RECK: variants seen among roughly 807,000 people sequenced by gnomAD.
RECK encodes reversion inducing cysteine rich protein with kazal motifs, also known as reversion-inducing cysteine-rich protein with Kazal motifs.
A neutral mutation model predicts 115.1 loss-of-function variants in RECK; 69 were observed. That is an observed-to-expected ratio of 0.60 (90% confidence interval 0.49 to 0.73). The LOEUF is 0.73. RECK is among the 30% of genes least tolerant of loss of function. RECK has a pLI of 0.00. For synonymous variants in RECK, 414 were observed against 419.7 expected (o/e 0.99, Z 0.17); for missense variants, 1,047 against 1,203.7 (o/e 0.87, Z 1.93).
chr9:36,088,357 A>C (rs78481188), intron 9 of RECK, among the ~76,000 whole-genome samples: 3,809 of 152,296 alleles, frequency 0.025, 171 homozygotes, highest in African/African-American at 0.087. Context: ...ATTGGTGGAT[A>C]ACCTGGGTTA....
Position 36,080,610 on chromosome 9 carries a change from T to C in RECK, c.411T>C (p.Ala137=), listed in dbSNP as rs748798525. ...TGTTTTTCTTCAATTTACAGAATGCTCTTTTCAGTTGCATTAGCAGAAATG... is the reference window on the plus strand; with the variant it reads ...TGTTTTTCTTCAATTTACAGAATGCCCTTTTCAGTTGCATTAGCAGAAATG... The part of the protein sequence containing the change: ...SKVCRKEYEN[A]LFSCISRNEM... Residue 137 remains alanine, a synonymous_variant, in exon 7 of 21, where the codon GCT becomes GCC. Transcript: ENST00000377966. 4 of 1,608,346 alleles carry C rather than the reference T, an allele frequency of 2.5e-6. No individual in the cohort carries two copies. The highest frequency in any genetic ancestry group is 2.2e-5 in the East Asian group (1 of 44,796).
At chr9:36,104,286 G>GTA (rs1384888477) in intron 12 of RECK, among the ~76,000 whole-genome samples, 12 of 20,962 alleles carry the variant, frequency 5.7e-4, no homozygotes, top group Non-Finnish European at 9.4e-4. Flanking sequence ...ATGTGTGTGT[G>GTA]TGTGTGTATA....
At chr9:36,090,643 G>C (rs1473754792) in intron 9 of RECK, among the ~76,000 whole-genome samples, 1 of 152,132 alleles carries the variant, frequency 6.6e-6, no homozygotes, top group Non-Finnish European at 1.5e-5. Context: ...ATAGTACATA[G>C]AGGCTTTGGA....
At chr9:36,095,699 G>A (rs1823306120) in intron 10 of RECK, among the ~76,000 whole-genome samples, 1 of 151,922 alleles carries the variant, frequency 6.6e-6, no homozygotes, top group African/African-American at 2.4e-5. Context: ...CAGTTTGGGA[G>A]GCTGAGGCAG....
chr9:36,115,795 C>A (rs141484244), intron 16 of RECK, among the ~76,000 whole-genome samples: 1 of 152,248 alleles, frequency 6.6e-6, no homozygotes, highest in African/African-American at 2.4e-5. Flanking sequence ...TATGCTTCCT[C>A]TTTTATTTTA....
intron 13 of RECK, among the ~76,000 whole-genome samples, chr9:36,106,111 G>A (rs1587078179): frequency 6.6e-6 from 1 of 150,620 alleles, no homozygotes; most frequent in South Asian, 2.1e-4. Context: ...TCGGGAGGCT[G>A]AGGCAGGAGA....
intron 2 of RECK, among the ~76,000 whole-genome samples, chr9:36,054,832 G>A (rs1187780458): frequency 6.6e-6 from 1 of 152,102 alleles, no homozygotes; most frequent in East Asian, 1.9e-4. Flanking sequence ...TGCCTATGTT[G>A]TATTCATGTC....
intron 20 of RECK, 142 bp downstream of exon 20, chr9:36,121,830 G>A (rs1480827403): frequency 6.9e-6 from 6 of 870,754 alleles, no homozygotes; most frequent in Non-Finnish European, 1.1e-5. Flanking sequence ...GGACAGGAGG[G>A]AGAAAAGCAA....
At chr9:36,078,084 G>A (rs1288218831) in intron 6 of RECK, among the ~76,000 whole-genome samples, 1 of 152,200 alleles carries the variant, frequency 6.6e-6, no homozygotes, top group South Asian at 2.1e-4. Flanking sequence ...TTAAAAGTAT[G>A]TAACTGAATG....
intron 7 of RECK, 50 bp downstream of exon 7, chr9:36,080,688 C>T (rs1822649769): frequency 6.5e-7 from 1 of 1,533,610 alleles, no homozygotes; most frequent in East Asian, 2.3e-5. Context: ...ATATAATTAG[C>T]CATCTGAAGC....
At chr9:36,072,725 G>A (rs1399258596) in intron 6 of RECK, 5 of 152,164 alleles carry the variant, frequency 3.3e-5, no homozygotes, top group African/African-American at 9.7e-5. Flanking sequence ...CAAAAAGAGC[G>A]AAACCTATTA....
intron 6 of RECK, among the ~76,000 whole-genome samples, chr9:36,067,916 C>T (rs1486076525): frequency 6.6e-6 from 1 of 151,968 alleles, no homozygotes; most frequent in Non-Finnish European, 1.5e-5. Flanking sequence ...ACCTAAAGAC[C>T]TAAGACTGTG....
At chr9:36,114,927 T>C (rs1824201185) in intron 16 of RECK, among the ~76,000 whole-genome samples, 1 of 152,150 alleles carries the variant, frequency 6.6e-6, no homozygotes, top group Non-Finnish European at 1.5e-5. Flanking sequence ...ACTAGGTGTC[T>C]AGGACACAAG....
intron 20 of RECK, 66 bp from the exon 21 acceptor site, chr9:36,122,755 AATT>A: frequency 7.8e-7 from 1 of 1,283,266 alleles, no homozygotes; most frequent in South Asian, 1.3e-5. Flanking sequence ...ATATACGTGG[AATT>A]TGTCTGGCTT....
At chr9:36,073,903 A>G (rs988316187) in intron 6 of RECK, among the ~76,000 whole-genome samples, 1 of 152,186 alleles carries the variant, frequency 6.6e-6, no homozygotes, top group African/African-American at 2.4e-5. Flanking sequence ...CCTACCAGCT[A>G]GGGAGTACTG....
rs530028854 is a variant in RECK, at chr9:36,110,214, C to G, written c.1888+135C>G. ...CAATACAGAATCTAAGGGCAAGATG[C>G]TTTTCCTCCCTGGATCTCAGTTTCT... On this transcript the variant is annotated intron_variant, in intron 15 of 20. Transcript: ENST00000377966. 29 of 918,882 alleles carry G rather than the reference C, an allele frequency of 3.2e-5. No individual in the cohort carries two copies. In the African/African-American group the frequency reaches 4.5e-4, roughly 14 times the overall value. The allele number at this position is 918,882 out of a possible 1,614,324, so 56.9% of individuals were successfully genotyped here. A position where few individuals can be genotyped will look rare whatever the true frequency, so the allele number is the denominator to read the frequency against.
chr9:36,079,942 A>T (rs1487021487), intron 6 of RECK, among the ~76,000 whole-genome samples: 6 of 152,208 alleles, frequency 3.9e-5, no homozygotes, highest in Non-Finnish European at 1.5e-5. Context: ...TATAGTCTCA[A>T]ACTCGCTTTT....
chr9:36,057,465 A>G (rs570321789), intron 2 of RECK, among the ~76,000 whole-genome samples: 1 of 152,288 alleles, frequency 6.6e-6, no homozygotes, highest in Admixed American at 6.5e-5. Flanking sequence ...TGCGAAACTA[A>G]TCAATGCTTT....
At chr9:36,108,381 G>T (rs1235390070) in intron 14 of RECK, among the ~76,000 whole-genome samples, 1 of 152,040 alleles carries the variant, frequency 6.6e-6, no homozygotes, top group Non-Finnish European at 1.5e-5. Context: ...AATATTTATT[G>T]AATTCTAATC....
Sources: allele counts gnomAD v4.1 joint callset (sites outside exome capture counted in the v4.1 genomes callset), GRCh38; gene constraint gnomAD v4.1.1; transcripts MANE v1.5; gene names NCBI Gene and HGNC (gene_info 2026-07-23, HGNC 2026-07-21).